Variants in MALT1 observed in about 807,000 individuals in gnomAD.
The protein encoded by MALT1 is mucosa-associated lymphoid tissue lymphoma translocation protein 1.
A neutral mutation model predicts 85.5 loss-of-function variants in MALT1; 36 were observed. The ratio of observed to expected loss-of-function variants is 0.42; its 90% CI spans 0.32 to 0.56. The LOEUF is 0.56. MALT1 is among the 20% of genes least tolerant of loss of function. MALT1 has a pLI of 0.10. For synonymous variants in MALT1, 359 were observed against 361.3 expected (o/e 0.99, Z 0.07); for missense variants, 716 against 981.6 (o/e 0.73, Z 3.62).
rs753744537 is a variant in MALT1, at chr18:58,700,551, G to T, written c.609G>T (p.Trp203Cys). The part of the protein sequence containing the change: ...NNNFTFEFSQ[W>C]SQLDVCDIPE... ...ATTTCACCTTTGAATTCAGCCAGTG[G>T]TCACAGCTGGATGTTTGCGACATCC... Residue 203 changes from tryptophan (W) to cysteine (C), a missense_variant, in exon 4 of 17, where the codon TGG (tryptophan) becomes TGT (cysteine). Trp to Cys is a radical substitution (Grantham distance 215). This residue lies in a region of MALT1 where 290 missense variants were observed against 380.5 expected (regional missense o/e 0.76). Transcript: ENST00000649217. The T allele has an allele frequency of 6.2e-7, 1 of 1,612,224 alleles. No homozygotes were observed. Among genetic ancestry groups the T allele is most frequent in the Admixed American group, 1.7e-5 (1 of 59,588 alleles).
intron 10 of MALT1, among the ~76,000 whole-genome samples, 166 bp downstream of exon 10, chr18:58,723,417 ATAAC>A (rs1182775845): frequency 1.3e-5 from 2 of 152,164 alleles, no homozygotes; most frequent in Non-Finnish European, 2.9e-5. Flanking sequence ...TTCCATCTGA[ATAAC>A]TAATTAGCTT....
intron 15 of MALT1, among the ~76,000 whole-genome samples, chr18:58,745,458 G>A (rs9948954): frequency 0.71 from 107,265 of 151,992 alleles, 37,924 homozygotes; most frequent in Middle Eastern, 0.79. Flanking sequence ...TTACTTTTTA[G>A]ATGGCTTAGT....
At chr18:58,742,771 G>A (rs887511814) in intron 14 of MALT1, among the ~76,000 whole-genome samples, 1 of 152,184 alleles carries the variant, frequency 6.6e-6, no homozygotes, top group African/African-American at 2.4e-5. Context: ...GAGTGCATAG[G>A]TAGAAATGAG....
intron 4 of MALT1, among the ~76,000 whole-genome samples, chr18:58,708,196 C>T (rs1483061872): frequency 1.3e-5 from 2 of 152,218 alleles, no homozygotes; most frequent in African/African-American, 4.8e-5. Context: ...ACCTGCACTT[C>T]ACAGGTGATC....
intron 1 of MALT1, among the ~76,000 whole-genome samples, chr18:58,675,982 T>G (rs1157208861): frequency 1.3e-5 from 2 of 152,212 alleles, no homozygotes; most frequent in African/African-American, 4.8e-5. Context: ...AATTCATTCC[T>G]GACTCCACTT....
At chr18:58,737,349 G>A (rs918830701) in intron 13 of MALT1, among the ~76,000 whole-genome samples, 1 of 151,970 alleles carries the variant, frequency 6.6e-6, no homozygotes, top group African/African-American at 2.4e-5. Context: ...AGGCATTATG[G>A]TGTGCACCTG....
chr18:58,735,303 CTG>C lies in MALT1; in HGVS notation c.1581_1582del (p.Leu528ThrfsTer3). On this transcript the variant is annotated frameshift_variant, in exon 13 of 17. Transcript: ENST00000649217. LOFTEE classifies it high-confidence loss of function. Reference sequence around the variant, plus strand: ...AGATTATTAGAAGATAAGAAAATCACTGTGTTACTGGATGAAGTTGCAGAAGG... The same window carrying C: ...AGATTATTAGAAGATAAGAAAATCACTGTTACTGGATGAAGTTGCAGAAGG... 1 of 1,603,948 alleles carries C rather than the reference CTG, an allele frequency of 6.2e-7. No individual in the cohort carries two copies. Among genetic ancestry groups the C allele is most frequent in the Non-Finnish European group, 8.5e-7 (1 of 1,177,246 alleles).
At chr18:58,703,316 C>T (rs1368232208) in intron 4 of MALT1, among the ~76,000 whole-genome samples, 1 of 152,018 alleles carries the variant, frequency 6.6e-6, no homozygotes, top group Admixed American at 6.5e-5. Flanking sequence ...AAGATTGCAC[C>T]ATGGCACTCC....
chr18:58,696,623 T>A, intron 3 of MALT1, 136 bp downstream of exon 3: 1 of 582,504 alleles, frequency 1.7e-6, no homozygotes, highest in Non-Finnish European at 2.8e-6. Flanking sequence ...ATTACTGAAG[T>A]AGTCAATAGT....
At chr18:58,745,553 G>A (rs1298753477) in intron 15 of MALT1, 113 bp from the exon 16 acceptor site, 23 of 888,464 alleles carry the variant, frequency 2.6e-5, no homozygotes, top group South Asian at 1.3e-4. Flanking sequence ...CAAAATTCAC[G>A]AGAGGCCAGA....
At chr18:58,734,592 GA>G in intron 12 of MALT1, 1 of 502,242 alleles carries the variant, frequency 2.0e-6, no homozygotes, top group Non-Finnish European at 3.6e-6. Context: ...CCTGGCCCCT[GA>G]GGGTTTTTTG....
Position 58,701,960 on chromosome 18 carries a change from G to A in MALT1, c.649+1369G>A, listed in dbSNP as rs78949764. ...GAATTCTGTTTAACAAAGTAGAGAC[G>A]GAAATATTTCCATCAAAAACATTTA... On this transcript the variant is annotated intron_variant, in intron 4 of 16. Coordinates refer to ENST00000649217, the MANE Select transcript of MALT1 (RefSeq NM_006785.4). 8.1e-3 allele frequency among the ~76,000 whole-genome samples: 1,238 copies of A among 152,104 alleles called. 12 individuals are homozygous for A. Among genetic ancestry groups the A allele is most frequent in the African/African-American group, 0.028 (1,145 of 41,506 alleles).
chr18:58,678,293 A>T (rs1422889779), intron 1 of MALT1, among the ~76,000 whole-genome samples: 1 of 152,234 alleles, frequency 6.6e-6, no homozygotes, highest in Non-Finnish European at 1.5e-5. Context: ...TAGTTTGCTA[A>T]CCTTGATTCT....
chr18:58,682,724 G>A (rs1568123575), intron 2 of MALT1, among the ~76,000 whole-genome samples: 1 of 152,272 alleles, frequency 6.6e-6, no homozygotes, highest in East Asian at 1.9e-4. Context: ...GAAACTATTA[G>A]AAGGAAAAAG....
chr18:58,747,477 G>A lies in MALT1; in HGVS notation c.2110G>A (p.Glu704Lys), dbSNP rs374978445. Reference sequence around the variant, plus strand: ...GGAAGATACTGTAGAGGACAAGCAGGAAGTGAATGTTGGGAAACCTCTCAT... The same window carrying A: ...GGAAGATACTGTAGAGGACAAGCAGAAAGTGAATGTTGGGAAACCTCTCAT... ...GLEDTVEDKQ[E>K]VNVGKPLIAK... Residue 704 changes from glutamate to lysine, a missense_variant, in exon 17 of 17, where the codon GAA (glutamate) becomes AAA (lysine). Physicochemically the swap from Glu to Lys is moderately conservative, Grantham distance 56. Coordinates refer to ENST00000649217, the MANE Select transcript of MALT1 (RefSeq NM_006785.4). 1 of 1,613,942 alleles carries A rather than the reference G, an allele frequency of 6.2e-7. No individual in the cohort carries two copies. The highest frequency in any genetic ancestry group is 1.1e-5 in the South Asian group (1 of 91,076).
At chr18:58,739,814 C>CAT (rs2055277326) in intron 13 of MALT1, among the ~76,000 whole-genome samples, 2 of 103,404 alleles carry the variant, frequency 1.9e-5, no homozygotes, top group Admixed American at 1.7e-4. Context: ...CACATACACA[C>CAT]ACACACACAC....
chr18:58,746,005 CATT>C (rs10534801), intron 16 of MALT1, among the ~76,000 whole-genome samples: 106,529 of 151,514 alleles, frequency 0.7, 37,477 homozygotes, highest in Middle Eastern at 0.79. Context: ...AAATTAGTAA[CATT>C]AGAGTATATT....
chr18:58,748,455 ATAAGGACTTCACTG>A lies in MALT1; in HGVS notation c.*614_*627del, dbSNP rs1360118384. 1.1e-5 allele frequency: 2 copies of A among 181,910 alleles called. No individual in the cohort carries two copies. The highest frequency in any genetic ancestry group is 4.7e-5 in the African/African-American group (2 of 42,536). 11.3% of individuals were successfully genotyped at this position (181,910 alleles called of 1,614,324 possible). A position where few individuals can be genotyped will look rare whatever the true frequency, so the allele number is the denominator to read the frequency against. On this transcript the variant is annotated 3_prime_UTR_variant, in exon 17 of 17. Transcript: ENST00000649217. ...AATGTACAAACTTTAGTTTTTGATT[ATAAGGACTTCACTG>A]CAAGTTTTAGTTAAGAGGTTTGTAT...
rs1436687207 is a variant in MALT1 at position 58,681,228 on chromosome 18, C to G, written c.268C>G (p.Leu90Val). The G allele has an allele frequency of 6.2e-7, 1 of 1,614,180 alleles. No homozygotes were observed. The highest frequency in any genetic ancestry group is 1.7e-5 in the Admixed American group (1 of 60,018). ...ACTGGAGCCTGAAGGAAGCCCCAGCCTGTGTCTGCTGAAGTTAATGGGTGA... is the reference window on the plus strand; with the variant it reads ...ACTGGAGCCTGAAGGAAGCCCCAGCGTGTGTCTGCTGAAGTTAATGGGTGA... ...KVLEPEGSPSLCLLKLMGEKG... is the reference protein window; with the variant it reads ...KVLEPEGSPSVCLLKLMGEKG... Residue 90 changes from leucine (L) to valine (V), a missense_variant, in exon 2 of 17, where the codon CTG becomes GTG. This residue lies in a region of MALT1 where 290 missense variants were observed against 380.5 expected (regional missense o/e 0.76). Transcript: ENST00000649217.
Sources: gnomAD v4.1 joint callset for allele counts (sites outside exome capture counted in the v4.1 genomes callset) on GRCh38, gnomAD v4.1.1 for gene constraint, gnomAD v4.1.1 regional missense constraint, MANE v1.5 for transcripts, NCBI Gene and HGNC (gene_info 2026-07-23, HGNC 2026-07-21) for gene names.